The following HSPA4L variants were observed in gnomAD, a reference collection of about 807,000 sequenced individuals.
HSPA4L encodes the protein heat shock 70 kDa protein 4L.
In HSPA4L, 48 loss-of-function variants were observed where a neutral mutation model predicts 100.3. The observed-to-expected ratio is 0.48, with a 90% CI of 0.38 to 0.61. The LOEUF is 0.61. Among genes scored for constraint, HSPA4L ranks in the 20% least tolerant of loss-of-function variants. HSPA4L has a pLI of 0.00. For missense variants in HSPA4L, 886 were observed against 988.6 expected (o/e 0.90, Z 1.39); for synonymous variants, 319 against 328.2 (o/e 0.97, Z 0.30).
chr4:127,800,904 A>T (rs1464813136), intron 4 of HSPA4L, among the ~76,000 whole-genome samples: 1 of 152,172 alleles, frequency 6.6e-6, no homozygotes, highest in Non-Finnish European at 1.5e-5. Flanking sequence ...GACGAATAAA[A>T]CTTAGGCAAC....
At chr4:127,811,363 T>C in intron 11 of HSPA4L, 74 bp from the exon 12 acceptor site, 1 of 1,127,444 alleles carries the variant, frequency 8.9e-7, no homozygotes, top group Non-Finnish European at 1.3e-6. Context: ...TTAAAGATGA[T>C]AGCCAAATTA....
intron 1 of HSPA4L, among the ~76,000 whole-genome samples, chr4:127,790,093 T>C (rs1560650926): frequency 6.6e-6 from 1 of 152,250 alleles, no homozygotes; most frequent in Non-Finnish European, 1.5e-5. Context: ...CTCATACTGG[T>C]AACTGTTTAG....
chr4:127,824,972 T>TA (rs889085672), intron 16 of HSPA4L, among the ~76,000 whole-genome samples: 14 of 150,496 alleles, frequency 9.3e-5, no homozygotes, highest in East Asian at 3.9e-4. Flanking sequence ...CTGTCTCTAC[T>TA]AAAAAAAAAT....
rs770815602 is a variant in HSPA4L, at chr4:127,801,915, TAAAG to T, written c.661_663+1del. The T allele has an allele frequency of 6.3e-7, 1 of 1,593,858 alleles. No homozygotes were observed. The highest frequency in any genetic ancestry group is 1.1e-5 in the South Asian group (1 of 88,074). On this transcript the variant is annotated splice_donor_variant and coding_sequence_variant, in exon 6 of 19. Transcript: ENST00000296464. LOFTEE classifies it high-confidence loss of function. Reference sequence around the variant, plus strand: ...TTTGTGCTTTTAACAAAGGAAAACTTAAAGTAAGTAAACACATGGTTTGTTATAT... The same window carrying T: ...TTTGTGCTTTTAACAAAGGAAAACTTTAAGTAAACACATGGTTTGTTATAT...
chr4:127,839,726 A>C lies in HSPA4L; in HGVS notation c.*6852A>C, dbSNP rs1734319388. 6.6e-6 allele frequency: 1 copy of C among 151,976 alleles called. No homozygotes were observed. Among genetic ancestry groups the C allele is most frequent in the Non-Finnish European group, 1.5e-5 (1 of 67,984 alleles). 9.4% of individuals were successfully genotyped at this position (151,976 alleles called of 1,614,324 possible). A position where few individuals can be genotyped will look rare whatever the true frequency, so the allele number is the denominator to read the frequency against. On this transcript the variant is annotated 3_prime_UTR_variant, in exon 19 of 19. Transcript: ENST00000296464. ...AAAAAAAAGTGTAATTAGAAATGGA[A>C]ATCTAGGTAAAGGAAGCTTTAAAAT...
Position 127,801,200 on chromosome 4 carries a change from C to G in HSPA4L, c.492C>G (p.Gly164=), listed in dbSNP as rs772761605. The change falls in exon 5 of 19, where the codon GGC becomes GGG. Residue 164 remains glycine (G), a synonymous_variant. Transcript: ENST00000296464. The part of the protein sequence containing the change: ...RSVMAAAQVA[G]LNCLRLMNET... ...TGATGGCTGCAGCCCAGGTTGCAGG[C>G]TTAAATTGTTTAAGGTTGATGAATG... 6.8e-6 allele frequency: 11 copies of G among 1,612,310 alleles called. No individual in the cohort carries two copies. The East Asian group carries it at 2.5e-4, about 36-fold the overall frequency.
At chr4:127,784,212 A>C (rs1444337439) in intron 1 of HSPA4L, among the ~76,000 whole-genome samples, 1 of 152,238 alleles carries the variant, frequency 6.6e-6, no homozygotes, top group African/African-American at 2.4e-5. Flanking sequence ...TTGACTCTCA[A>C]CCTATAGAGA....
In HSPA4L at chr4:127,839,706, A is replaced by AAAG. The variant is rs1734318911; in HGVS notation, c.*6833_*6835dup. 6.6e-6 allele frequency: 1 copy of AAAG among 152,030 alleles called. No individual in the cohort carries two copies. The highest frequency in any genetic ancestry group is 1.5e-5 in the Non-Finnish European group (1 of 68,006). The allele number at this position is 152,030 out of a possible 1,614,324, so 9.4% of individuals were successfully genotyped here. ...CGAGACTCTGTCTCAAAAAAAAAAAAAAGTGTAATTAGAAATGGAAATCTA... is the reference window on the plus strand; with the variant it reads ...CGAGACTCTGTCTCAAAAAAAAAAAAAAGAAGTGTAATTAGAAATGGAAATCTA... On this transcript the variant is annotated 3_prime_UTR_variant, in exon 19 of 19. Transcript: ENST00000296464.
In HSPA4L at chr4:127,835,194, A is replaced by G. The variant is rs1734175451; in HGVS notation, c.*2320A>G. The G allele has an allele frequency of 6.6e-6, 1 of 151,380 alleles. No homozygotes were observed. The highest frequency in any genetic ancestry group is 2.4e-5 in the African/African-American group (1 of 41,456). 9.4% of individuals were successfully genotyped at this position (151,380 alleles called of 1,614,324 possible). The stretch of plus-strand genomic sequence containing the variant: ...TCAGAAATTATTTTAAAAGATGCAT[A>G]GTAAAACAGTGTTTTCCTATGGTAA... On this transcript the variant is annotated 3_prime_UTR_variant, in exon 19 of 19. Transcript: ENST00000296464.
intron 6 of HSPA4L, among the ~76,000 whole-genome samples, chr4:127,802,950 T>G (rs1309877109): frequency 6.6e-6 from 1 of 152,156 alleles, no homozygotes; most frequent in East Asian, 1.9e-4. Context: ...TATTAGTGAC[T>G]GTTGTAAGTA....
chr4:127,812,578 T>C, intron 12 of HSPA4L: 1 of 615,472 alleles, frequency 1.6e-6, no homozygotes. Context: ...ATTATTTGTG[T>C]GCATTATTTT....
chr4:127,830,696 G>T lies in HSPA4L; in HGVS notation c.2225G>T (p.Ser742Ile), dbSNP rs1159243937. Residue 742 changes from serine (S) to isoleucine (I), a missense_variant, in exon 18 of 19, where the codon AGT becomes ATT. Transcript: ENST00000296464. The part of the protein sequence containing the change: ...TEMEKVEKCI[S>I]DAMSWLNSKM... ...ATGGAAAAGGTTGAAAAATGTATCAGTGATGCCATGAGTTGGCTGAATAGT... is the reference window on the plus strand; with the variant it reads ...ATGGAAAAGGTTGAAAAATGTATCATTGATGCCATGAGTTGGCTGAATAGT... 1 of 1,609,870 alleles carries T rather than the reference G, an allele frequency of 6.2e-7. No homozygotes were observed. The highest frequency in any genetic ancestry group is 8.5e-7 in the Non-Finnish European group (1 of 1,178,038).
Position 127,832,843 on chromosome 4 carries a change from C to G in HSPA4L, c.2489C>G (p.Thr830Ser), listed in dbSNP as rs1734120388. The part of the protein sequence containing the change: ...SDSTKDSSQH[T>S]KSSGEMEVD ...TCAACAAAAGACAGCTCACAGCATA[C>G]TAAATCCTCTGGAGAGATGGAAGTG... Residue 830 changes from threonine (T) to serine (S), a missense_variant, in exon 19 of 19, where the codon ACT becomes AGT. Coordinates refer to ENST00000296464, the MANE Select transcript of HSPA4L (RefSeq NM_014278.4). The G allele has an allele frequency of 1.2e-6, 2 of 1,610,714 alleles. No individual in the cohort carries two copies. The highest frequency in any genetic ancestry group is 1.7e-6 in the Non-Finnish European group (2 of 1,178,552).
chr4:127,809,177 C>A, intron 11 of HSPA4L: 1 of 977,716 alleles, frequency 1.0e-6, no homozygotes, highest in Non-Finnish European at 1.6e-6. Flanking sequence ...AAAATTGCAT[C>A]AAACTCTTCA....
chr4:127,795,906 A>G lies in HSPA4L; in HGVS notation c.304A>G (p.Lys102Glu). ...QKMPNGSAGV[K>E]VRYLEEERPF... ...AATGCCTAATGGAAGTGCAGGAGTT[A>G]AGGTAAGCTTTATATTCCCAGGGTT... Residue 102 changes from lysine to glutamate, a missense_variant and splice_region_variant, in exon 3 of 19, where the codon AAG becomes GAG. Lys to Glu is a moderately conservative substitution (Grantham distance 56). Coordinates refer to ENST00000296464, the MANE Select transcript of HSPA4L (RefSeq NM_014278.4). 1 of 1,613,178 alleles carries G rather than the reference A, an allele frequency of 6.2e-7. No individual in the cohort carries two copies. Among genetic ancestry groups the G allele is most frequent in the Non-Finnish European group, 8.5e-7 (1 of 1,179,438 alleles).
intron 5 of HSPA4L, 88 bp from the exon 6 acceptor site, chr4:127,801,697 C>A: frequency 1.0e-6 from 1 of 989,372 alleles, no homozygotes; most frequent in Non-Finnish European, 1.5e-6. Context: ...TACTATACTG[C>A]ATATTAAAGT....
In HSPA4L at chr4:127,835,345, T is replaced by TA. The variant is rs1380123022; in HGVS notation, c.*2477dup. 2.6e-5 allele frequency: 4 copies of TA among 152,300 alleles called. No individual in the cohort carries two copies. The highest frequency in any genetic ancestry group is 9.6e-5 in the African/African-American group (4 of 41,560). The allele number at this position is 152,300 out of a possible 1,614,324, so 9.4% of individuals were successfully genotyped here. On this transcript the variant is annotated 3_prime_UTR_variant, in exon 19 of 19. Coordinates refer to ENST00000296464, the MANE Select transcript of HSPA4L (RefSeq NM_014278.4). ...ACTCTTGATAGTTGTACTGTGATTA[T>TA]AAAAAACAATTGTTAAATAATATAA...
intron 14 of HSPA4L, among the ~76,000 whole-genome samples, chr4:127,821,283 G>A (rs754055624): frequency 6.6e-6 from 1 of 152,068 alleles, no homozygotes; most frequent in Non-Finnish European, 1.5e-5. Context: ...TGTGTGTCTT[G>A]AGAAAAATTT....
At chr4:127,825,467 A>T (rs777375587) in intron 16 of HSPA4L, among the ~76,000 whole-genome samples, 6 of 152,190 alleles carry the variant, frequency 3.9e-5, no homozygotes, top group Non-Finnish European at 8.8e-5. Context: ...TGTGCAAAAG[A>T]AGTTACTCAA....
Sources: gnomAD v4.1 joint callset for allele counts (sites outside exome capture counted in the v4.1 genomes callset) on GRCh38, gnomAD v4.1.1 for gene constraint, MANE v1.5 for transcripts, NCBI Gene and HGNC (gene_info 2026-07-23, HGNC 2026-07-21) for gene names.